The following ZBED3 variants were observed in gnomAD, a reference collection of about 807,000 sequenced individuals.
ZBED3 encodes the protein zinc finger BED domain-containing protein 3.
For missense variants in ZBED3, 388 were observed against 362.9 expected, an observed-to-expected ratio of 1.07 and a Z score of -0.56; for synonymous variants, 175 against 180.0, an observed-to-expected ratio of 0.97 and a Z score of 0.22.
chr5:77,075,974 T>C lies in ZBED3; in HGVS notation c.*1200A>G, dbSNP rs1422130713. 36 of 25,124 alleles carry C rather than the reference T, an allele frequency of 1.4e-3. 9 individuals are homozygous for C. The highest frequency in any genetic ancestry group is 2.2e-3 in the South Asian group (3 of 1,370). 1.6% of individuals were successfully genotyped at this position (25,124 alleles called of 1,614,324 possible). On this transcript the variant is annotated 3_prime_UTR_variant, in exon 3 of 3. Coordinates refer to ENST00000255198, the MANE Select transcript of ZBED3 (RefSeq NM_032367.4). Reference sequence around the variant, plus strand: ...ATATATATATATATATATGTATATGTATATATGTATATATATATGTATATA... The same window carrying C: ...ATATATATATATATATATGTATATGCATATATGTATATATATATGTATATA...
In ZBED3 at chr5:77,077,391, G is replaced by C; in HGVS notation, c.488C>G (p.Ala163Gly). Residue 163 changes from alanine to glycine, a missense_variant, in exon 3 of 3, where the codon GCC becomes GGC. By Grantham distance (60) the Ala-to-Gly change is moderately conservative. Coordinates refer to ENST00000255198, the MANE Select transcript of ZBED3 (RefSeq NM_032367.4). ...RELAVEQGER[A>G]LERRRRALQE... ...CAGCGCCCTCCGCCTCCGCTCCAGG[G>C]CGCGCTCGCCCTGCTCCACGGCCAG... The C allele has an allele frequency of 8.0e-7, 1 of 1,251,378 alleles. No individual in the cohort carries two copies. Among genetic ancestry groups the C allele is most frequent in the African/African-American group, 1.6e-5 (1 of 63,562 alleles). The allele number at this position is 1,251,378 out of a possible 1,614,324, so 77.5% of individuals were successfully genotyped here.
chr5:77,079,038 A>G (rs1248869343), intron 1 of ZBED3: 1 of 152,252 alleles, frequency 6.6e-6, no homozygotes, highest in Admixed American at 6.5e-5. Flanking sequence ...ACATAATGCA[A>G]TGTCATTGCA....
At chr5:77,083,061 T>C (rs896101552) in intron 1 of ZBED3, among the ~76,000 whole-genome samples, 3 of 152,074 alleles carry the variant, frequency 2.0e-5, no homozygotes, top group Non-Finnish European at 2.9e-5. Flanking sequence ...CGCTTGAACC[T>C]GGGAGGCGGA....
At chr5:77,081,524 A>AT (rs978784443) in intron 1 of ZBED3, among the ~76,000 whole-genome samples, 3 of 151,500 alleles carry the variant, frequency 2.0e-5, no homozygotes, top group African/African-American at 7.3e-5. Context: ...TAATTTTTGT[A>AT]TTTTTTGTAG....
At chr5:77,078,463 A>G (rs569285924) in intron 2 of ZBED3, 131 bp downstream of exon 2, 1 of 152,376 alleles carries the variant, frequency 6.6e-6, no homozygotes, top group South Asian at 2.1e-4. Context: ...ATGTTTTTCA[A>G]GATAAAAATA....
Position 77,077,481 on chromosome 5 carries a change from A to G in ZBED3, c.398T>C (p.Leu133Pro). ...CACGGCCAGCGCGCCCATCTGTTCC[A>G]GCAGGCGCGCCCAGTCGCCCTCGGG... The part of the protein sequence containing the change: ...AAPEGDWARL[L>P]EQMGALAVRG... The change falls in exon 3 of 3, where the codon CTG (leucine) becomes CCG (proline). Residue 133 changes from leucine to proline, a missense_variant. By Grantham distance (98) the Leu-to-Pro change is moderately conservative. Coordinates refer to ENST00000255198, the MANE Select transcript of ZBED3 (RefSeq NM_032367.4). 8.4e-7 allele frequency: 1 copy of G among 1,191,256 alleles called. No homozygotes were observed. Among genetic ancestry groups the G allele is most frequent in the African/African-American group, 1.6e-5 (1 of 62,074 alleles). The allele number at this position is 1,191,256 out of a possible 1,614,324, so 73.8% of individuals were successfully genotyped here. A position where few individuals can be genotyped will look rare whatever the true frequency, so the allele number is the denominator to read the frequency against.
Position 77,077,819 on chromosome 5 carries a change from C to T in ZBED3, c.60G>A (p.Ala20=), listed in dbSNP as rs1580146131. 7.7e-7 allele frequency: 1 copy of T among 1,295,906 alleles called. No individual in the cohort carries two copies. Among genetic ancestry groups the T allele is most frequent in the African/African-American group, 1.5e-5 (1 of 64,766 alleles). The allele number at this position is 1,295,906 out of a possible 1,614,324, so 80.3% of individuals were successfully genotyped here. A position where few individuals can be genotyped will look rare whatever the true frequency, so the allele number is the denominator to read the frequency against. The part of the protein sequence containing the change: ...MDQARGLDDA[A]ARGGQCPGLG... Reference sequence around the variant, plus strand: ...GTCCCGGACACTGACCGCCCCGCGCCGCCGCGTCGTCCAGCCCGCGGGCCT... The same window carrying T: ...GTCCCGGACACTGACCGCCCCGCGCTGCCGCGTCGTCCAGCCCGCGGGCCT... The change falls in exon 3 of 3, where the codon GCG becomes GCA. Residue 20 remains alanine (A), a synonymous_variant. Transcript: ENST00000255198.
rs1742905149 is a variant in ZBED3 at position 77,072,474 on chromosome 5, T to C, written c.*4700A>G. 6.6e-6 allele frequency: 1 copy of C among 152,212 alleles called. No homozygotes were observed. The highest frequency in any genetic ancestry group is 1.5e-5 in the Non-Finnish European group (1 of 68,032). 9.4% of individuals were successfully genotyped at this position (152,212 alleles called of 1,614,324 possible). A position where few individuals can be genotyped will look rare whatever the true frequency, so the allele number is the denominator to read the frequency against. On this transcript the variant is annotated 3_prime_UTR_variant, in exon 3 of 3. Transcript: ENST00000255198. ...GCCAACTCAAGGATGTTTTAAAGAA[T>C]GTGCTAGGGACTCATGGCCACTCTA...
intron 1 of ZBED3, among the ~76,000 whole-genome samples, chr5:77,084,148 G>A (rs1229885707): frequency 2.0e-5 from 3 of 152,190 alleles, no homozygotes; most frequent in Non-Finnish European, 2.9e-5. Flanking sequence ...CAAGAGGAAC[G>A]TCACATAGTC....
At position 77,073,986 on chromosome 5, in the gene ZBED3, C is replaced by G. The variant is rs1742929332; in HGVS notation, c.*3188G>C. Reference sequence around the variant, plus strand: ...GAAATGTCTTGACATGAGGAGAAATCAAGGAAAGCATGGTTTTAGAACATG... The same window carrying G: ...GAAATGTCTTGACATGAGGAGAAATGAAGGAAAGCATGGTTTTAGAACATG... On this transcript the variant is annotated 3_prime_UTR_variant, in exon 3 of 3. Transcript: ENST00000255198. 6.6e-6 allele frequency: 1 copy of G among 152,086 alleles called. No homozygotes were observed. The allele number at this position is 152,086 out of a possible 1,614,324, so 9.4% of individuals were successfully genotyped here.
chr5:77,078,809 G>A (rs1218299675), intron 1 of ZBED3, 81 bp from the exon 2 acceptor site: 1 of 152,190 alleles, frequency 6.6e-6, no homozygotes, highest in Non-Finnish European at 1.5e-5. Context: ...TAGAAATACT[G>A]AGCAGCGCCA....
chr5:77,077,134 C>T lies in ZBED3; in HGVS notation c.*40G>A. On this transcript the variant is annotated 3_prime_UTR_variant, in exon 3 of 3. Transcript: ENST00000255198. ...GGGGTCTGAAGGCATTGGCATTGGA[C>T]GGAGAAGCGCTGTCCTGGGGTGGGG... The T allele has an allele frequency of 1.5e-6, 2 of 1,337,748 alleles. No homozygotes were observed. Among genetic ancestry groups the T allele is most frequent in the South Asian group, 1.9e-5 (1 of 54,004 alleles). The allele number at this position is 1,337,748 out of a possible 1,614,324, so 82.9% of individuals were successfully genotyped here. A position where few individuals can be genotyped will look rare whatever the true frequency, so the allele number is the denominator to read the frequency against.
Position 77,072,360 on chromosome 5 carries a change from A to T in ZBED3, c.*4814T>A, listed in dbSNP as rs1304390475. ...TCTCACCTTATTAACCAGAAATGTTAATCTGGTTAATCATCTACCATATTC... is the reference window on the plus strand; with the variant it reads ...TCTCACCTTATTAACCAGAAATGTTTATCTGGTTAATCATCTACCATATTC... On this transcript the variant is annotated 3_prime_UTR_variant, in exon 3 of 3. Transcript: ENST00000255198. 6.6e-6 allele frequency: 1 copy of T among 152,222 alleles called. No individual in the cohort carries two copies. The highest frequency in any genetic ancestry group is 1.5e-5 in the Non-Finnish European group (1 of 68,044). 9.4% of individuals were successfully genotyped at this position (152,222 alleles called of 1,614,324 possible).
At chr5:77,078,783 C>T (rs1269920272) in intron 1 of ZBED3, 55 bp from the exon 2 acceptor site, 1 of 152,208 alleles carries the variant, frequency 6.6e-6, no homozygotes, top group East Asian at 1.9e-4. Flanking sequence ...ATTCAAACCA[C>T]CTTAAAGACA....
In ZBED3 at chr5:77,075,981, GTATATATATATGTA is replaced by G. The variant is rs1742979789; in HGVS notation, c.*1179_*1192del. ...TATATATATATGTATATGTATATAT[GTATATATATATGTA>G]TATATGTATATATATATGTATATAT... On this transcript the variant is annotated 3_prime_UTR_variant, in exon 3 of 3. Transcript: ENST00000255198. The G allele has an allele frequency of 8.0e-5, 2 of 24,866 alleles. No individual in the cohort carries two copies. Among genetic ancestry groups the G allele is most frequent in the Non-Finnish European group, 1.5e-4 (2 of 13,728 alleles). The allele number at this position is 24,866 out of a possible 1,614,324, so 1.5% of individuals were successfully genotyped here.
rs1742912835 is a variant in ZBED3, at chr5:77,073,018, C to T, written c.*4156G>A. 1 of 152,134 alleles carries T rather than the reference C, an allele frequency of 6.6e-6. No homozygotes were observed. Among genetic ancestry groups the T allele is most frequent in the African/African-American group, 2.4e-5 (1 of 41,382 alleles). 9.4% of individuals were successfully genotyped at this position (152,134 alleles called of 1,614,324 possible). A position where few individuals can be genotyped will look rare whatever the true frequency, so the allele number is the denominator to read the frequency against. On this transcript the variant is annotated 3_prime_UTR_variant, in exon 3 of 3. Coordinates refer to ENST00000255198, the MANE Select transcript of ZBED3 (RefSeq NM_032367.4). ...TCTGGAAATGGGGATTATATCCATG[C>T]TTTCGTTGGAGATTTTATTTTAACT... is the stretch of plus-strand genomic sequence containing the variant.
At chr5:77,085,907 A>T (rs1293109818) in intron 1 of ZBED3, among the ~76,000 whole-genome samples, 2 of 152,232 alleles carry the variant, frequency 1.3e-5, no homozygotes, top group African/African-American at 4.8e-5. Flanking sequence ...ATTTAGAAAA[A>T]GGTTATATGT....
At position 77,078,103 on chromosome 5, in the gene ZBED3, C is replaced by T. The variant is rs894282472; in HGVS notation, c.-17-208G>A. 5.9e-5 allele frequency among the ~76,000 whole-genome samples: 9 copies of T among 152,362 alleles called. No individual in the cohort carries two copies. In the East Asian group the frequency reaches 1.7e-3, roughly 29 times the overall value. ...AAACTGTTAAAAATATCTAGCCCTT[C>T]CTATACTAGGAATCCTCTTTGAAAT... On this transcript the variant is annotated intron_variant, in intron 2 of 2. Transcript: ENST00000255198.
chr5:77,083,773 G>C (rs1343578480), intron 1 of ZBED3, among the ~76,000 whole-genome samples: 2 of 152,128 alleles, frequency 1.3e-5, no homozygotes, highest in Non-Finnish European at 1.5e-5. Context: ...ATAAAAAAGA[G>C]TAACAGATCC....
Sources: gnomAD v4.1 joint callset for allele counts (sites outside exome capture counted in the v4.1 genomes callset) on GRCh38, gnomAD v4.1.1 for gene constraint, MANE v1.5 for transcripts, NCBI Gene and HGNC (gene_info 2026-07-23, HGNC 2026-07-21) for gene names.